The following STK24 variants were observed in gnomAD, a reference collection of about 807,000 sequenced individuals.
STK24 encodes the protein serine/threonine-protein kinase 24.
In STK24, 21 loss-of-function variants were observed where a neutral mutation model predicts 55.6. That is an observed-to-expected ratio of 0.38 (90% CI 0.27 to 0.54). The LOEUF (loss-of-function observed/expected upper bound fraction) is 0.54, where lower values mean the gene tolerates loss of function less well. STK24 is among the 20% of genes least tolerant of loss of function. The pLI is 0.79. For missense variants in STK24, 383 were observed against 538.4 expected (o/e 0.71, Z 2.86); for synonymous variants, 200 against 215.2 (o/e 0.93, Z 0.62).
At position 98,501,220 on chromosome 13, in the gene STK24, G is replaced by T. The variant is rs546350618; in HGVS notation, c.273+18023C>A. On this transcript the variant is annotated intron_variant, in intron 2 of 10. Transcript: ENST00000539966. ...TGCACAGCCTCACCGCGGAGTCACA[G>T]AAGTGGCCTGTGGAGCTGAGAAACC... Among the ~76,000 whole-genome samples the T allele has an allele frequency of 2.0e-5, 3 of 152,338 alleles. No homozygotes were observed. In the East Asian group the frequency reaches 5.8e-4, roughly 29 times the overall value.
chr13:98,527,742 A>G (rs1355351083), intron 1 of STK24, among the ~76,000 whole-genome samples: 1 of 152,212 alleles, frequency 6.6e-6, no homozygotes, highest in Non-Finnish European at 1.5e-5. Context: ...TGGGGGGCCC[A>G]GCACTGCCTC....
chr13:98,479,172 ACAGG>A (rs1313742498), intron 3 of STK24, among the ~76,000 whole-genome samples: 2 of 152,354 alleles, frequency 1.3e-5, no homozygotes, highest in Admixed American at 1.3e-4. Flanking sequence ...AGGGCACCCT[ACAGG>A]CAAGGCGGCT....
At position 98,563,011 on chromosome 13, in the gene STK24, T is replaced by C. The variant is rs560244203; in HGVS notation, c.42+13734A>G. On this transcript the variant is annotated intron_variant, in intron 1 of 10. Transcript: ENST00000539966. ...TGCATGCACAGAAACGTCTGTATAT[T>C]TGGGGGTTGGGAAGCTTCTCAAGCC... 2.0e-3 allele frequency among the ~76,000 whole-genome samples: 305 copies of C among 152,206 alleles called. 1 individual carries two copies. In the Middle Eastern group the frequency reaches 0.021, roughly 10 times the overall value.
At chr13:98,542,877 A>AC (rs1467643951) in intron 1 of STK24, 14 of 985,170 alleles carry the variant, frequency 1.4e-5, no homozygotes, top group Non-Finnish European at 1.6e-5. Flanking sequence ...TGAAATCTAG[A>AC]CCCCCTCATT....
At chr13:98,543,767 G>A (rs150985660) in intron 1 of STK24, among the ~76,000 whole-genome samples, 256 of 152,314 alleles carry the variant, frequency 1.7e-3, no homozygotes, top group African/African-American at 6.0e-3. Flanking sequence ...GGTGAAGCCT[G>A]CAGATGCGGT....
At chr13:98,471,677 G>A (rs144223730) in intron 5 of STK24, among the ~76,000 whole-genome samples, 2,326 of 152,296 alleles carry the variant, frequency 0.015, 33 homozygotes, top group South Asian at 0.081. Flanking sequence ...AGATAAGGGG[G>A]CACAGCTACT....
intron 1 of STK24, among the ~76,000 whole-genome samples, chr13:98,535,268 C>T (rs575531033): frequency 2.0e-5 from 3 of 151,100 alleles, no homozygotes; most frequent in South Asian, 2.1e-4. Flanking sequence ...ATCTGGGAGA[C>T]GGAGGCTGCA....
intron 3 of STK24, among the ~76,000 whole-genome samples, chr13:98,481,618 A>G (rs1373514884): frequency 6.6e-6 from 1 of 152,240 alleles, no homozygotes; most frequent in Non-Finnish European, 1.5e-5. Flanking sequence ...CAGCCCTACA[A>G]AAGTAAATAG....
At chr13:98,521,683 G>T in intron 1 of STK24, 1 of 710,732 alleles carries the variant, frequency 1.4e-6, no homozygotes, top group Non-Finnish European at 2.6e-6. Context: ...TCGGGGATGC[G>T]GGGGAAGCAG....
At chr13:98,492,078 T>TGC (rs201341112) in intron 2 of STK24, among the ~76,000 whole-genome samples, 3,909 of 13,528 alleles carry the variant, frequency 0.29, 155 homozygotes, top group African/African-American at 0.37. Flanking sequence ...TGCGTGCGCG[T>TGC]GTGTGTGTGT....
chr13:98,473,767 A>T (rs369192573), intron 5 of STK24, among the ~76,000 whole-genome samples: 7 of 152,266 alleles, frequency 4.6e-5, no homozygotes, highest in African/African-American at 1.7e-4. Context: ...AGACGGGCTC[A>T]CTCCTCCCAA....
At chr13:98,491,691 CAAA>C (rs11285292) in intron 2 of STK24, among the ~76,000 whole-genome samples, 16 of 132,716 alleles carry the variant, frequency 1.2e-4, no homozygotes, top group Non-Finnish European at 1.8e-4. Context: ...ATTACTAAGC[CAAA>C]AAAAAAAAAA....
intron 1 of STK24, among the ~76,000 whole-genome samples, chr13:98,526,110 G>T (rs1264634352): frequency 6.6e-6 from 1 of 152,124 alleles, no homozygotes; most frequent in African/African-American, 2.4e-5. Flanking sequence ...CAGTATGCTG[G>T]GGTGAAAGGG....
rs1895392336 is a variant in STK24 at position 98,500,031 on chromosome 13, T to A, written c.274-17710A>T. Among the ~76,000 whole-genome samples the A allele has an allele frequency of 2.6e-5, 4 of 152,342 alleles. No individual in the cohort carries two copies. In the South Asian group the frequency reaches 8.3e-4, roughly 32 times the overall value. Reference sequence around the variant, plus strand: ...ATGTGCGTGCTAGTGTTACTTTGTGTTTCCTAAGGAACAGGACATTCACAA... The same window carrying A: ...ATGTGCGTGCTAGTGTTACTTTGTGATTCCTAAGGAACAGGACATTCACAA... On this transcript the variant is annotated intron_variant, in intron 2 of 10. Coordinates refer to ENST00000539966, the MANE Select transcript of STK24 (RefSeq NM_001032296.4).
Position 98,451,305 on chromosome 13 carries a change from G to T in STK24, c.*1868C>A, listed in dbSNP as rs1474325166. On this transcript the variant is annotated 3_prime_UTR_variant, in exon 11 of 11. Transcript: ENST00000539966. The stretch of plus-strand genomic sequence containing the variant: ...ACTTATGCCGCCGGCCTCACGTAAG[G>T]AAACAGTTCCCCACACAGAATACTC... 1.3e-5 allele frequency: 2 copies of T among 152,086 alleles called. No individual in the cohort carries two copies. The highest frequency in any genetic ancestry group is 1.9e-4 in the East Asian group (1 of 5,188). 9.4% of individuals were successfully genotyped at this position (152,086 alleles called of 1,614,324 possible). A position where few individuals can be genotyped will look rare whatever the true frequency, so the allele number is the denominator to read the frequency against.
At chr13:98,576,308 G>C in intron 1 of STK24, 2 of 835,216 alleles carry the variant, frequency 2.4e-6, no homozygotes, top group Non-Finnish European at 2.9e-6. Context: ...CCCGGGGGTG[G>C]GGGACGAGCC....
intron 2 of STK24, among the ~76,000 whole-genome samples, chr13:98,485,557 T>C (rs1894772867): frequency 6.6e-6 from 1 of 152,212 alleles, no homozygotes; most frequent in African/African-American, 2.4e-5. Flanking sequence ...ATTTCTAATC[T>C]TGTGGCTAAT....
chr13:98,482,374 T>G, intron 2 of STK24, 53 bp from the exon 3 acceptor site: 1 of 1,107,674 alleles, frequency 9.0e-7, no homozygotes, highest in Non-Finnish European at 1.3e-6. Flanking sequence ...CCAGGAAAAT[T>G]TTTTTTAATA....
chr13:98,509,843 T>C (rs1895821560), intron 2 of STK24, among the ~76,000 whole-genome samples: 1 of 136,996 alleles, frequency 7.3e-6, no homozygotes, highest in Non-Finnish European at 1.6e-5. Flanking sequence ...GCACACTCTC[T>C]CTGTCGCTCT....
Sources: allele counts gnomAD v4.1 joint callset (sites outside exome capture counted in the v4.1 genomes callset), GRCh38; gene constraint gnomAD v4.1.1; transcripts MANE v1.5; gene names NCBI Gene and HGNC (gene_info 2026-07-23, HGNC 2026-07-21).